ADAM12: variants seen among roughly 807,000 people sequenced by gnomAD.
The protein encoded by ADAM12 is ADAM metallopeptidase domain 12.
A neutral mutation model predicts 106.4 loss-of-function variants in ADAM12; 70 were observed. That is an observed-to-expected ratio of 0.66 (90% CI 0.54 to 0.80). ADAM12 has a LOEUF of 0.80. ADAM12 is among the 30% of genes least tolerant of loss of function. ADAM12 has a pLI of 0.00. For synonymous variants in ADAM12, 420 were observed against 433.5 expected (o/e 0.97, Z 0.39); for missense variants, 1,010 against 1,171.9 (o/e 0.86, Z 2.02).
intron 2 of ADAM12, among the ~76,000 whole-genome samples, chr10:126,320,015 C>T (rs1014509211): frequency 4.6e-5 from 7 of 152,050 alleles, no homozygotes; most frequent in South Asian, 2.1e-4. Flanking sequence ...GCATTCTCAA[C>T]GGGGATGAGC....
intron 5 of ADAM12, among the ~76,000 whole-genome samples, chr10:126,124,850 C>T (rs1460202596): frequency 6.9e-6 from 1 of 145,690 alleles, no homozygotes; most frequent in Non-Finnish European, 1.5e-5. Flanking sequence ...CAAGATCGCA[C>T]CACTGCACTT....
Position 126,013,337 on chromosome 10 carries a change from C to A in ADAM12, c.*3942G>T, listed in dbSNP as rs1953601922. 6.6e-6 allele frequency: 1 copy of A among 152,190 alleles called. No homozygotes were observed. The highest frequency in any genetic ancestry group is 2.4e-5 in the African/African-American group (1 of 41,436). 9.4% of individuals were successfully genotyped at this position (152,190 alleles called of 1,614,324 possible). ...CTTAGAGTGTCATTTGTTTTAGTAT[C>A]AGAGTTTTCAAATAGGTTTAAAAGC... On this transcript the variant is annotated 3_prime_UTR_variant, in exon 23 of 23. Transcript: ENST00000448723. This position sits in a 1 kb window ranked among gnomAD's most constrained non-coding sequence, Gnocchi z 4.3.
At chr10:126,099,949 C>T (rs1438724075) in intron 9 of ADAM12, among the ~76,000 whole-genome samples, 1 of 150,888 alleles carries the variant, frequency 6.6e-6, no homozygotes, top group Non-Finnish European at 1.5e-5. Flanking sequence ...CTTCTAGAAA[C>T]ATCTACTTCA....
At chr10:126,354,273 T>C (rs1301589532) in intron 1 of ADAM12, among the ~76,000 whole-genome samples, 1 of 152,152 alleles carries the variant, frequency 6.6e-6, no homozygotes, top group Non-Finnish European at 1.5e-5. Context: ...CCAGGAGTCA[T>C]TTTTATTAGA....
chr10:126,305,672 G>A (rs539898154), intron 2 of ADAM12, among the ~76,000 whole-genome samples: 302 of 152,104 alleles, frequency 2.0e-3, no homozygotes, highest in Non-Finnish European at 3.5e-3. Flanking sequence ...AATCTCCACT[G>A]TGATATGGTT....
At chr10:126,159,013 T>TA (rs1358272405) in intron 3 of ADAM12, among the ~76,000 whole-genome samples, 1 of 152,028 alleles carries the variant, frequency 6.6e-6, no homozygotes, top group Non-Finnish European at 1.5e-5. Flanking sequence ...TCAATAGTCT[T>TA]AAAAAAGAGC....
chr10:126,062,300 C>T (rs898382724), intron 14 of ADAM12, among the ~76,000 whole-genome samples: 7 of 152,180 alleles, frequency 4.6e-5, no homozygotes, highest in African/African-American at 1.7e-4. Flanking sequence ...CCACCCACCA[C>T]CACCCCAGCA....
At chr10:126,196,101 T>C (rs1162776801) in intron 3 of ADAM12, among the ~76,000 whole-genome samples, 1 of 152,212 alleles carries the variant, frequency 6.6e-6, no homozygotes, top group Non-Finnish European at 1.5e-5. Context: ...GACTGCATGG[T>C]CTGCAAAGTC....
chr10:126,049,035 T>C lies in ADAM12; in HGVS notation c.1917+218A>G, dbSNP rs1391780686. On this transcript the variant is annotated intron_variant, in intron 16 of 22. Coordinates refer to ENST00000448723, the MANE Select transcript of ADAM12 (RefSeq NM_001288973.2). The surrounding 1 kb of genome is among the most constrained non-coding windows in gnomAD (Gnocchi z 4.4). The stretch of plus-strand genomic sequence containing the variant: ...CACCTGGAGTGTAGAAATGACTTAT[T>C]AACACTCAAGGCCTAAGAAGACAGG... Among the ~76,000 whole-genome samples the C allele has an allele frequency of 2.6e-5, 4 of 152,220 alleles. No homozygotes were observed. The highest frequency in any genetic ancestry group is 4.4e-5 in the Non-Finnish European group (3 of 68,038).
chr10:126,037,302 A>G (rs938560667), intron 20 of ADAM12, among the ~76,000 whole-genome samples: 8 of 80,972 alleles, frequency 9.9e-5, no homozygotes, highest in African/African-American at 3.6e-4. Flanking sequence ...TTTTTTTTTA[A>G]TAGAGCTGCA....
intron 12 of ADAM12, among the ~76,000 whole-genome samples, chr10:126,069,529 C>T (rs1457468454): frequency 6.6e-6 from 1 of 152,240 alleles, no homozygotes; most frequent in African/African-American, 2.4e-5. Context: ...GGCGAGACAG[C>T]ACCCTGTCAA....
chr10:126,256,920 A>ATG (rs1958903639), intron 3 of ADAM12, among the ~76,000 whole-genome samples: 4 of 97,156 alleles, frequency 4.1e-5, no homozygotes, highest in South Asian at 3.0e-4. Flanking sequence ...TAATAATAAT[A>ATG]ATGATGATGA....
At chr10:126,379,158 A>G (rs1030041549) in intron 1 of ADAM12, among the ~76,000 whole-genome samples, 8 of 152,204 alleles carry the variant, frequency 5.3e-5, no homozygotes, top group Non-Finnish European at 7.3e-5. Context: ...CTAGAACTAG[A>G]AATACCATTT....
At chr10:126,154,740 A>G (rs1442595972) in intron 4 of ADAM12, among the ~76,000 whole-genome samples, 2 of 152,160 alleles carry the variant, frequency 1.3e-5, no homozygotes, top group African/African-American at 4.8e-5. Flanking sequence ...TACCAGAAAC[A>G]CTGCCTGAGA....
chr10:126,098,504 G>A lies in ADAM12; in HGVS notation c.912-4C>T. The A allele has an allele frequency of 6.2e-7, 1 of 1,611,646 alleles. No homozygotes were observed. Among genetic ancestry groups the A allele is most frequent in the South Asian group, 1.1e-5 (1 of 91,016 alleles). On this transcript the variant is annotated splice_polypyrimidine_tract_variant and splice_region_variant and intron_variant, in intron 9 of 22. Coordinates refer to ENST00000448723, the MANE Select transcript of ADAM12 (RefSeq NM_001288973.2). ...GGTCCCTTGGAAATAAACCCCACTA[G>A]GAAATAAAAGAGAGGACTTTCTTTA...
At chr10:126,112,238 G>A (rs115849976) in intron 6 of ADAM12, among the ~76,000 whole-genome samples, 2 of 152,034 alleles carry the variant, frequency 1.3e-5, no homozygotes, top group South Asian at 2.1e-4. Context: ...TGGGGGATGA[G>A]AGGAGGGAAT....
At position 126,064,662 on chromosome 10, in the gene ADAM12, T is replaced by C; in HGVS notation, c.1609+144A>G. On this transcript the variant is annotated intron_variant, in intron 14 of 22. Transcript: ENST00000448723. The surrounding 1 kb of genome is among the most constrained non-coding windows in gnomAD (Gnocchi z 4.4). ...GCCTCAGACCCTCCCTGGGAGTCAA[T>C]CACTCCCGACTGAACACACCGGATG... 2.3e-6 allele frequency: 2 copies of C among 872,576 alleles called. No individual in the cohort carries two copies. Among genetic ancestry groups the C allele is most frequent in the South Asian group, 3.5e-5 (2 of 56,678 alleles). The allele number at this position is 872,576 out of a possible 1,614,324, so 54.1% of individuals were successfully genotyped here. A position where few individuals can be genotyped will look rare whatever the true frequency, so the allele number is the denominator to read the frequency against.
At position 126,109,775 on chromosome 10, in the gene ADAM12, C is replaced by T. The variant is rs1955835808; in HGVS notation, c.669G>A (p.Glu223=). The T allele has an allele frequency of 1.2e-6, 2 of 1,611,264 alleles. No individual in the cohort carries two copies. Among genetic ancestry groups the T allele is most frequent in the South Asian group, 1.1e-5 (1 of 90,924 alleles). ...VELVIVADNR[E]FQRQGKDLEK... is the part of the protein sequence containing the mutation. ...CTGAGAAATTTTAAAAAGTTCTTAC[C>T]TCTCGGTTGTCTGCCACGATCACCA... is the stretch of plus-strand genomic sequence containing the variant. Residue 223 remains glutamate, a splice_region_variant and synonymous_variant, in exon 7 of 23, where the codon GAG becomes GAA. Coordinates refer to ENST00000448723, the MANE Select transcript of ADAM12 (RefSeq NM_001288973.2).
intron 1 of ADAM12, among the ~76,000 whole-genome samples, chr10:126,353,299 C>T (rs1033392869): frequency 3.3e-5 from 5 of 152,134 alleles, no homozygotes; most frequent in African/African-American, 9.7e-5. Flanking sequence ...AGGTCACATG[C>T]CTAGATCTGA....
Sources: gnomAD v4.1 joint callset for allele counts (sites outside exome capture counted in the v4.1 genomes callset) on GRCh38, gnomAD v4.1.1 for gene constraint, Gnocchi (gnomAD v3.1) non-coding constraint, MANE v1.5 for transcripts, NCBI Gene and HGNC (gene_info 2026-07-23, HGNC 2026-07-21) for gene names.